The following PCDH9 variants were observed in gnomAD, a reference collection of about 807,000 sequenced individuals.
PCDH9 encodes protocadherin-9.
In PCDH9, 24 loss-of-function variants were observed where a neutral mutation model predicts 70.6. The observed-to-expected ratio is 0.34, with a 90% CI of 0.25 to 0.48. The LOEUF (loss-of-function observed/expected upper bound fraction) is 0.48, where lower values mean the gene tolerates loss of function less well. PCDH9 is among the 20% of genes least tolerant of loss of function. The pLI is 0.99. For missense variants in PCDH9, 1,281 were observed against 1,503.6 expected (o/e 0.85, Z 2.45); for synonymous variants, 562 against 558.5 (o/e 1.01, Z -0.09).
chr13:66,402,639 C>T (rs1321477358), intron 4 of PCDH9, among the ~76,000 whole-genome samples: 1 of 151,990 alleles, frequency 6.6e-6, no homozygotes, highest in African/African-American at 2.4e-5. Context: ...AATTCAAATT[C>T]TTATTAATGC....
At chr13:66,854,125 G>T (rs75762641) in intron 3 of PCDH9, among the ~76,000 whole-genome samples, 6,757 of 152,206 alleles carry the variant, frequency 0.044, 150 homozygotes, top group Middle Eastern at 0.071. Context: ...GTATTGTACT[G>T]CTTATAATGA....
At chr13:67,152,434 TA>T (rs1161454405) in intron 2 of PCDH9, among the ~76,000 whole-genome samples, 3 of 152,242 alleles carry the variant, frequency 2.0e-5, no homozygotes, top group African/African-American at 7.2e-5. Context: ...TTTTTCAACC[TA>T]AATCTCTGAA....
At chr13:66,971,526 C>T (rs2083522577) in intron 2 of PCDH9, among the ~76,000 whole-genome samples, 1 of 151,948 alleles carries the variant, frequency 6.6e-6, no homozygotes, top group Non-Finnish European at 1.5e-5. Flanking sequence ...TAATCTTATT[C>T]TGATTATTCG....
At chr13:66,930,927 A>C (rs2082797177) in intron 2 of PCDH9, among the ~76,000 whole-genome samples, 1 of 152,192 alleles carries the variant, frequency 6.6e-6, no homozygotes, top group African/African-American at 2.4e-5. Context: ...AATGTGATTA[A>C]ACTGTCTACC....
At chr13:66,714,057 C>CTA (rs2078836053) in intron 3 of PCDH9, among the ~76,000 whole-genome samples, 1 of 152,012 alleles carries the variant, frequency 6.6e-6, no homozygotes, top group African/African-American at 2.4e-5. Context: ...CTTTTGAAGG[C>CTA]TATTGCAGGA....
At chr13:66,584,049 G>A (rs2076930952) in intron 4 of PCDH9, among the ~76,000 whole-genome samples, 1 of 152,104 alleles carries the variant, frequency 6.6e-6, no homozygotes, top group Non-Finnish European at 1.5e-5. Flanking sequence ...CAAACCCATT[G>A]CAGACACTTT....
intron 4 of PCDH9, among the ~76,000 whole-genome samples, chr13:66,318,285 C>G (rs377576133): frequency 1.3e-5 from 2 of 152,048 alleles, no homozygotes; most frequent in South Asian, 4.2e-4. Context: ...ATCTTTTCTG[C>G]TCTGTTATTG....
intron 4 of PCDH9, among the ~76,000 whole-genome samples, chr13:66,583,189 G>GA (rs1057304111): frequency 6.6e-5 from 10 of 150,552 alleles, no homozygotes; most frequent in South Asian, 4.2e-4. Context: ...TCCTCTTCAG[G>GA]AAAAAAATGC....
At chr13:66,865,973 T>G (rs563129210) in intron 3 of PCDH9, among the ~76,000 whole-genome samples, 1 of 152,328 alleles carries the variant, frequency 6.6e-6, no homozygotes, top group South Asian at 2.1e-4. Flanking sequence ...ACATTTTCAT[T>G]TTTATTAAAC....
At chr13:66,966,296 A>G (rs2083434125) in intron 2 of PCDH9, among the ~76,000 whole-genome samples, 1 of 152,132 alleles carries the variant, frequency 6.6e-6, no homozygotes, top group Non-Finnish European at 1.5e-5. Flanking sequence ...TCAAGTATCA[A>G]ATGAGGTAAC....
intron 2 of PCDH9, among the ~76,000 whole-genome samples, chr13:67,088,201 C>T (rs1176762093): frequency 1.3e-5 from 2 of 151,374 alleles, no homozygotes; most frequent in Non-Finnish European, 1.5e-5. Flanking sequence ...CCAATGAGGT[C>T]GTGGTGTGGT....
intron 4 of PCDH9, among the ~76,000 whole-genome samples, chr13:66,436,987 T>A (rs935945094): frequency 6.6e-6 from 1 of 151,734 alleles, no homozygotes; most frequent in Non-Finnish European, 1.5e-5. Context: ...ATTCTCTTTG[T>A]TGTATGTCAA....
At chr13:66,424,933 C>G (rs1241542322) in intron 4 of PCDH9, among the ~76,000 whole-genome samples, 1 of 151,736 alleles carries the variant, frequency 6.6e-6, no homozygotes, top group Non-Finnish European at 1.5e-5. Flanking sequence ...GGGAGCTTCA[C>G]CAGTGATACC....
chr13:66,690,725 T>A (rs1179558230), intron 3 of PCDH9, among the ~76,000 whole-genome samples: 3 of 152,166 alleles, frequency 2.0e-5, no homozygotes, highest in African/African-American at 7.2e-5. Flanking sequence ...GATGTCAAAA[T>A]CAGGGTCAGA....
At chr13:66,310,210 A>G (rs901642216) in intron 4 of PCDH9, among the ~76,000 whole-genome samples, 2 of 152,056 alleles carry the variant, frequency 1.3e-5, no homozygotes, top group African/African-American at 2.4e-5. Flanking sequence ...ACAAAAGCAC[A>G]TAATGAAAAG....
chr13:67,104,796 A>G (rs1256764895), intron 2 of PCDH9, among the ~76,000 whole-genome samples: 1 of 152,028 alleles, frequency 6.6e-6, no homozygotes. Context: ...TGATCCACCC[A>G]CCTCAGCCTC....
At chr13:66,492,537 A>G (rs2138537142) in intron 4 of PCDH9, among the ~76,000 whole-genome samples, 1 of 150,702 alleles carries the variant, frequency 6.6e-6, no homozygotes, top group Non-Finnish European at 1.5e-5. Flanking sequence ...GGGTTCAATA[A>G]AGGAATGATG....
At chr13:66,823,939 C>A (rs2080762736) in intron 3 of PCDH9, among the ~76,000 whole-genome samples, 1 of 152,096 alleles carries the variant, frequency 6.6e-6, no homozygotes, top group South Asian at 2.1e-4. Flanking sequence ...TCAACCTAAA[C>A]TTATAAAACA....
intron 3 of PCDH9, among the ~76,000 whole-genome samples, chr13:66,776,659 G>T (rs931283684): frequency 6.6e-6 from 1 of 152,148 alleles, no homozygotes; most frequent in African/African-American, 2.4e-5. Flanking sequence ...AACATTCCAT[G>T]CTCATGGGCA....
Sources: allele counts gnomAD v4.1 joint callset (sites outside exome capture counted in the v4.1 genomes callset), GRCh38; gene constraint gnomAD v4.1.1; transcripts MANE v1.5; gene names NCBI Gene and HGNC (gene_info 2026-07-23, HGNC 2026-07-21).